EPS8: variants seen among roughly 807,000 people sequenced by gnomAD.
The protein encoded by EPS8 is EGFR pathway substrate 8, signaling adaptor.
Under a neutral mutation model 103.8 loss-of-function variants are expected in EPS8, and 42 were observed. The observed-to-expected ratio is 0.40, with a 90% CI of 0.32 to 0.52. The LOEUF (loss-of-function observed/expected upper bound fraction) is 0.52, where lower values mean the gene tolerates loss of function less well. Among genes scored for constraint, EPS8 ranks in the 20% least tolerant of loss-of-function variants. The probability of loss-of-function intolerance (pLI) is 0.40; values close to 1 mark genes in which losing one functional copy is unlikely to be tolerated. For missense variants in EPS8, 969 were observed against 1,005.1 expected (o/e 0.96, Z 0.49); for synonymous variants, 344 against 344.6 (o/e 1.00, Z 0.02).
intron 4 of EPS8, among the ~76,000 whole-genome samples, chr12:15,670,086 A>G (rs994125128): frequency 6.6e-6 from 1 of 152,234 alleles, no homozygotes; most frequent in African/African-American, 2.4e-5. Context: ...CTACATAAAC[A>G]TGACATTAAA....
rs1947298683 is a variant in EPS8 at position 15,785,127 on chromosome 12, T to A, written c.-22+4034A>T. Among the ~76,000 whole-genome samples, 1 of 152,062 alleles carries A rather than the reference T, an allele frequency of 6.6e-6. No individual in the cohort carries two copies. ...ATGTATGCAAACGTAAGCAAATCAT[T>A]TAGAAGGTCAAGGAATCCCAAGGTG... On this transcript the variant is annotated intron_variant, in intron 1 of 20. Transcript: ENST00000281172. This position sits in a 1 kb window ranked among gnomAD's most constrained non-coding sequence, Gnocchi z 4.9.
intron 19 of EPS8, among the ~76,000 whole-genome samples, chr12:15,623,493 A>G (rs1055313810): frequency 1.3e-5 from 2 of 152,152 alleles, no homozygotes; most frequent in Admixed American, 1.3e-4. Context: ...CAGATTATTA[A>G]TTACAAAGTA....
At chr12:15,639,711 A>T (rs957138519) in intron 17 of EPS8, among the ~76,000 whole-genome samples, 1 of 152,202 alleles carries the variant, frequency 6.6e-6, no homozygotes, top group Non-Finnish European at 1.5e-5. Flanking sequence ...ACTGAAATAA[A>T]TTGTCACGGC....
chr12:15,657,202 G>A (rs1664131237), intron 12 of EPS8, among the ~76,000 whole-genome samples: 1 of 152,114 alleles, frequency 6.6e-6, no homozygotes, highest in Non-Finnish European at 1.5e-5. Context: ...TGCTTTGCAT[G>A]TTATCACCTC....
In EPS8 at chr12:15,727,728, C is replaced by T. The variant is rs1245347771; in HGVS notation, c.-21-44756G>A. On this transcript the variant is annotated intron_variant, in intron 1 of 20. Coordinates refer to ENST00000281172, the MANE Select transcript of EPS8 (RefSeq NM_004447.6). This position sits in a 1 kb window ranked among gnomAD's most constrained non-coding sequence, Gnocchi z 4.3. ...CAAAAATTAGCCGGGCGTGGTGGCGCGTGCCTGTAATCCCAGCTACTCAGG... is the reference window on the plus strand; with the variant it reads ...CAAAAATTAGCCGGGCGTGGTGGCGTGTGCCTGTAATCCCAGCTACTCAGG... Among the ~76,000 whole-genome samples, 1 of 151,920 alleles carries T rather than the reference C, an allele frequency of 6.6e-6. No homozygotes were observed. Among genetic ancestry groups the T allele is most frequent in the Non-Finnish European group, 1.5e-5 (1 of 67,956 alleles).
intron 12 of EPS8, among the ~76,000 whole-genome samples, chr12:15,656,112 A>T (rs1235195990): frequency 6.6e-6 from 1 of 152,202 alleles, no homozygotes. Flanking sequence ...TTACAGCTCT[A>T]TTCTGTGTAA....
At chr12:15,715,480 C>T (rs966207828) in intron 1 of EPS8, among the ~76,000 whole-genome samples, 3 of 141,554 alleles carry the variant, frequency 2.1e-5, no homozygotes, top group Non-Finnish European at 1.5e-5. Flanking sequence ...CTGCAGCTTC[C>T]GCCTACTGGG....
At position 15,722,331 on chromosome 12, in the gene EPS8, C is replaced by T. The variant is rs567574997; in HGVS notation, c.-21-39359G>A. On this transcript the variant is annotated intron_variant, in intron 1 of 20. Coordinates refer to ENST00000281172, the MANE Select transcript of EPS8 (RefSeq NM_004447.6). Reference sequence around the variant, plus strand: ...AGCCTATTTTAAACAATTACCCCCCCCAAAAATTATGTAACTAATCTTTCC... The same window carrying T: ...AGCCTATTTTAAACAATTACCCCCCTCAAAAATTATGTAACTAATCTTTCC... 5.1e-4 allele frequency among the ~76,000 whole-genome samples: 77 copies of T among 152,200 alleles called. No homozygotes were observed. The South Asian group carries it at 8.3e-3, about 16-fold the overall frequency.
At position 15,784,991 on chromosome 12, in the gene EPS8, G is replaced by A. The variant is rs1947296749; in HGVS notation, c.-22+4170C>T. ...GTTATGAGTGAAGCCCAGGGGATTT[G>A]TAATGTGTTGAAATTATTCGGTATG... is the stretch of plus-strand genomic sequence containing the variant. On this transcript the variant is annotated intron_variant, in intron 1 of 20. Transcript: ENST00000281172. This position sits in a 1 kb window ranked among gnomAD's most constrained non-coding sequence, Gnocchi z 4.0. Among the ~76,000 whole-genome samples the A allele has an allele frequency of 6.6e-6, 1 of 152,042 alleles. No homozygotes were observed. Among genetic ancestry groups the A allele is most frequent in the African/African-American group, 2.4e-5 (1 of 41,432 alleles).
intron 15 of EPS8, 131 bp downstream of exon 15, chr12:15,646,996 A>AAAC: frequency 1.2e-6 from 1 of 857,614 alleles, no homozygotes; most frequent in African/African-American, 1.7e-5. Flanking sequence ...GGAACAACTG[A>AAAC]AACTTTATCA....
chr12:15,763,838 CT>C (rs1460992594), intron 1 of EPS8, among the ~76,000 whole-genome samples: 2 of 152,182 alleles, frequency 1.3e-5, no homozygotes, highest in Non-Finnish European at 2.9e-5. Flanking sequence ...GCCTCTACCC[CT>C]ATTTATGTCC....
At position 15,713,746 on chromosome 12, in the gene EPS8, A is replaced by G. The variant is rs949654412; in HGVS notation, c.-21-30774T>C. On this transcript the variant is annotated intron_variant, in intron 1 of 20. Coordinates refer to ENST00000281172, the MANE Select transcript of EPS8 (RefSeq NM_004447.6). This position sits in a 1 kb window ranked among gnomAD's most constrained non-coding sequence, Gnocchi z 4.8. ...GGGCTGTCTTCAAAGGTCTATCCTC[A>G]TAGTTAAAAAATGGTGTCGGGGAGG... Among the ~76,000 whole-genome samples, 2 of 152,210 alleles carry G rather than the reference A, an allele frequency of 1.3e-5. No homozygotes were observed. Among genetic ancestry groups the G allele is most frequent in the African/African-American group, 2.4e-5 (1 of 41,452 alleles).
In EPS8 at chr12:15,727,486, TTTAAC is replaced by T. The variant is rs376672580; in HGVS notation, c.-21-44519_-21-44515del. Among the ~76,000 whole-genome samples, 168 of 152,352 alleles carry T rather than the reference TTTAAC, an allele frequency of 1.1e-3. 2 individuals carry two copies. In the East Asian group the frequency reaches 0.031, roughly 28 times the overall value. ...TTTAATGTTGGTAGATACTAATAAATTTAACTTAAGACAACTGACCCATTGCTACA... is the reference window on the plus strand; with the variant it reads ...TTTAATGTTGGTAGATACTAATAAATTTAAGACAACTGACCCATTGCTACA... On this transcript the variant is annotated intron_variant, in intron 1 of 20. Transcript: ENST00000281172. This position sits in a 1 kb window ranked among gnomAD's most constrained non-coding sequence, Gnocchi z 4.3.
In EPS8 at chr12:15,684,010, G is replaced by A. The variant is rs895689698; in HGVS notation, c.-21-1038C>T. Reference sequence around the variant, plus strand: ...TTTCAGGTCCTGTGATGGATATTGGGACCACCAAAGTGAACCAAACAGACA... The same window carrying A: ...TTTCAGGTCCTGTGATGGATATTGGAACCACCAAAGTGAACCAAACAGACA... On this transcript the variant is annotated intron_variant, in intron 1 of 20. Coordinates refer to ENST00000281172, the MANE Select transcript of EPS8 (RefSeq NM_004447.6). The surrounding 1 kb of genome is among the most constrained non-coding windows in gnomAD (Gnocchi z 4.9). 9 of 152,104 alleles carry A rather than the reference G, an allele frequency of 5.9e-5. No individual in the cohort carries two copies. The highest frequency in any genetic ancestry group is 4.6e-4 in the Admixed American group (7 of 15,270). 9.4% of individuals were successfully genotyped at this position (152,104 alleles called of 1,614,324 possible).
In EPS8 at chr12:15,736,772, T is replaced by C. The variant is rs1946770882; in HGVS notation, c.-22+52389A>G. Reference sequence around the variant, plus strand: ...AAATGCATAAGGCATCCTCAGAGTATGTGATATAGAACCATACAACCAAGC... The same window carrying C: ...AAATGCATAAGGCATCCTCAGAGTACGTGATATAGAACCATACAACCAAGC... On this transcript the variant is annotated intron_variant, in intron 1 of 20. Coordinates refer to ENST00000281172, the MANE Select transcript of EPS8 (RefSeq NM_004447.6). The surrounding 1 kb of genome is among the most constrained non-coding windows in gnomAD (Gnocchi z 4.2). Among the ~76,000 whole-genome samples the C allele has an allele frequency of 6.6e-6, 1 of 152,094 alleles. No individual in the cohort carries two copies. Among genetic ancestry groups the C allele is most frequent in the Non-Finnish European group, 1.5e-5 (1 of 68,000 alleles).
intron 12 of EPS8, among the ~76,000 whole-genome samples, chr12:15,656,783 A>G (rs561958797): frequency 4.9e-4 from 74 of 152,240 alleles, no homozygotes; most frequent in African/African-American, 1.7e-3. Flanking sequence ...ACCAACCTCC[A>G]AAAACCTGCT....
At chr12:15,739,627 C>A (rs1228869570) in intron 1 of EPS8, among the ~76,000 whole-genome samples, 1 of 152,166 alleles carries the variant, frequency 6.6e-6, no homozygotes, top group Non-Finnish European at 1.5e-5. Flanking sequence ...CTCACACCTG[C>A]AGCTCCTCAG....
At chr12:15,625,647 G>A (rs150260654) in intron 18 of EPS8, among the ~76,000 whole-genome samples, 2 of 152,262 alleles carry the variant, frequency 1.3e-5, no homozygotes, top group African/African-American at 4.8e-5. Context: ...TGAAGCAGAA[G>A]ATTCCTCCTT....
rs1203781392 is a variant in EPS8, at chr12:15,749,628, C to A, written c.-22+39533G>T. The stretch of plus-strand genomic sequence containing the variant: ...AATAAATACTTGATGATGACAATAA[C>A]CATTATGATAGTGGTAGTGGTAGGA... On this transcript the variant is annotated intron_variant, in intron 1 of 20. Transcript: ENST00000281172. This position sits in a 1 kb window ranked among gnomAD's most constrained non-coding sequence, Gnocchi z 4.0. Among the ~76,000 whole-genome samples the A allele has an allele frequency of 6.6e-6, 1 of 152,082 alleles. No homozygotes were observed. Among genetic ancestry groups the A allele is most frequent in the African/African-American group, 2.4e-5 (1 of 41,396 alleles).
Sources: allele counts gnomAD v4.1 joint callset (sites outside exome capture counted in the v4.1 genomes callset), GRCh38; gene constraint gnomAD v4.1.1; non-coding constraint Gnocchi (gnomAD v3.1); transcripts MANE v1.5; gene names NCBI Gene and HGNC (gene_info 2026-07-23, HGNC 2026-07-21).